The following PTPN14 variants were observed in gnomAD, a reference collection of about 807,000 sequenced individuals.
PTPN14 encodes protein tyrosine phosphatase non-receptor type 14.
A neutral mutation model predicts 126.8 loss-of-function variants in PTPN14; 53 were observed. That is an observed-to-expected ratio of 0.42 (90% CI 0.34 to 0.53). PTPN14 has a LOEUF of 0.53. PTPN14 is among the 20% of genes least tolerant of loss of function. PTPN14 has a pLI of 0.08. For missense variants in PTPN14, 1,257 were observed against 1,552.9 expected, an observed-to-expected ratio of 0.81 and a Z score of 3.20; for synonymous variants, 630 against 599.3, an observed-to-expected ratio of 1.05 and a Z score of -0.75.
chr1:214,517,107 C>A (rs763795327), intron 1 of PTPN14, among the ~76,000 whole-genome samples: 7 of 152,162 alleles, frequency 4.6e-5, no homozygotes, highest in Non-Finnish European at 8.8e-5. Context: ...CAAATGTAAT[C>A]GGTCCTACCT....
At chr1:214,468,397 A>G (rs1182553502) in intron 1 of PTPN14, among the ~76,000 whole-genome samples, 1 of 152,148 alleles carries the variant, frequency 6.6e-6, no homozygotes. Context: ...CTCTACCAAA[A>G]ATACAAAAAT....
At chr1:214,393,859 C>A in intron 9 of PTPN14, 82 bp from the exon 10 acceptor site, 1 of 1,113,606 alleles carries the variant, frequency 9.0e-7, no homozygotes, top group Admixed American at 1.8e-5. Flanking sequence ...TGAGGAGGGA[C>A]ACACATCCCT....
chr1:214,364,766 A>AGTGTGTGTGTTTGTGTGT lies in PTPN14; in HGVS notation c.3272-92_3272-91insACACACAAACACACACAC. 1 of 590,314 alleles carries AGTGTGTGTGTTTGTGTGT rather than the reference A, an allele frequency of 1.7e-6. No homozygotes were observed. The highest frequency in any genetic ancestry group is 2.3e-5 in the South Asian group (1 of 42,722). 36.6% of individuals were successfully genotyped at this position (590,314 alleles called of 1,614,324 possible). A position where few individuals can be genotyped will look rare whatever the true frequency, so the allele number is the denominator to read the frequency against. Reference sequence around the variant, plus strand: ...GGGGAGCGGAAGAGAACTGATGGTGAGTGTGTGTGTGTGTGTGTGTGTGTG... The same window carrying AGTGTGTGTGTTTGTGTGT: ...GGGGAGCGGAAGAGAACTGATGGTGAGTGTGTGTGTTTGTGTGTGTGTGTGTGTGTGTGTGTGTGTGTG... On this transcript the variant is annotated intron_variant, in intron 17 of 18. Coordinates refer to ENST00000366956, the MANE Select transcript of PTPN14 (RefSeq NM_005401.5). The surrounding 1 kb of genome is among the most constrained non-coding windows in gnomAD (Gnocchi z 4.1).
intron 1 of PTPN14, among the ~76,000 whole-genome samples, chr1:214,524,175 A>G (rs1437282235): frequency 1.3e-5 from 2 of 152,066 alleles, no homozygotes; most frequent in Non-Finnish European, 2.9e-5. Flanking sequence ...TATGCTACAT[A>G]AGAGGCAAGA....
intron 10 of PTPN14, 58 bp downstream of exon 10, chr1:214,393,637 G>T: frequency 1.5e-6 from 2 of 1,328,090 alleles, no homozygotes; most frequent in African/African-American, 1.5e-5. Context: ...CACCCCAAAA[G>T]GACATTAATT....
At position 214,406,700 on chromosome 1, in the gene PTPN14, C is replaced by G. The variant is rs1401588337; in HGVS notation, c.511-3747G>C. ...TATGCTGTTTACATATCTGATTTGC[C>G]TAGAGTTTAGTGGAAACACAGTCTC... On this transcript the variant is annotated intron_variant, in intron 5 of 18. Coordinates refer to ENST00000366956, the MANE Select transcript of PTPN14 (RefSeq NM_005401.5). 3.9e-5 allele frequency among the ~76,000 whole-genome samples: 6 copies of G among 152,166 alleles called. No individual in the cohort carries two copies. In the East Asian group the frequency reaches 5.8e-4, roughly 15 times the overall value.
At chr1:214,545,490 AC>A (rs1411434602) in intron 1 of PTPN14, among the ~76,000 whole-genome samples, 6 of 152,170 alleles carry the variant, frequency 3.9e-5, no homozygotes, top group African/African-American at 1.4e-4. Context: ...TAAAGGTCCC[AC>A]CTTTTAACAC....
At chr1:214,529,968 A>C (rs1655498486) in intron 1 of PTPN14, 1 of 152,250 alleles carries the variant, frequency 6.6e-6, no homozygotes, top group Non-Finnish European at 1.5e-5. Flanking sequence ...TATTCCTTGC[A>C]TTGAACATTC....
intron 1 of PTPN14, among the ~76,000 whole-genome samples, chr1:214,514,312 C>T (rs910679021): frequency 6.6e-6 from 1 of 152,048 alleles, no homozygotes. Flanking sequence ...ATCATGAAGC[C>T]ACGACTATGA....
chr1:214,496,326 A>G (rs1654507998), intron 1 of PTPN14, among the ~76,000 whole-genome samples: 1 of 152,164 alleles, frequency 6.6e-6, no homozygotes, highest in African/African-American at 2.4e-5. Flanking sequence ...CTGTAACAGG[A>G]TACGGCTTAG....
At chr1:214,487,626 T>C (rs1429046150) in intron 1 of PTPN14, among the ~76,000 whole-genome samples, 1 of 48,268 alleles carries the variant, frequency 2.1e-5, no homozygotes, top group Non-Finnish European at 4.0e-5. Context: ...AGAGCAAGAC[T>C]CCGTCTCAAA....
At chr1:214,500,555 C>T (rs141585514) in intron 1 of PTPN14, among the ~76,000 whole-genome samples, 1 of 152,238 alleles carries the variant, frequency 6.6e-6, no homozygotes, top group South Asian at 2.1e-4. Flanking sequence ...CTTGAGGCAT[C>T]GGCTCACTGA....
intron 1 of PTPN14, among the ~76,000 whole-genome samples, chr1:214,502,234 A>G (rs1654724474): frequency 6.6e-6 from 1 of 151,944 alleles, no homozygotes; most frequent in Admixed American, 6.6e-5. Flanking sequence ...AGAGGGCTGG[A>G]CCCCCTATTC....
rs560503813 is a variant in PTPN14, at chr1:214,503,197, GTATT to G, written c.-154-38244_-154-38241del. Among the ~76,000 whole-genome samples the G allele has an allele frequency of 1.8e-4, 28 of 152,264 alleles. No homozygotes were observed. In the East Asian group the frequency reaches 5.4e-3, roughly 29 times the overall value. The stretch of plus-strand genomic sequence containing the variant: ...ATAATAAAATGGCAAACACTATACA[GTATT>G]TATTATGAAAGGCACTATTCTAAGT... On this transcript the variant is annotated intron_variant, in intron 1 of 18. Coordinates refer to ENST00000366956, the MANE Select transcript of PTPN14 (RefSeq NM_005401.5).
intron 3 of PTPN14, among the ~76,000 whole-genome samples, chr1:214,419,302 T>C (rs2102591155): frequency 6.6e-6 from 1 of 152,288 alleles, no homozygotes; most frequent in Non-Finnish European, 1.5e-5. Flanking sequence ...TGGTCTGCTC[T>C]TCCCTCCTCT....
intron 1 of PTPN14, chr1:214,532,158 C>T (rs1021491397): frequency 5.3e-5 from 16 of 302,148 alleles, no homozygotes; most frequent in Non-Finnish European, 3.9e-5. Context: ...GTTGGCAAAG[C>T]CTGGGTCCTG....
chr1:214,437,617 C>T (rs1456424275), intron 3 of PTPN14, among the ~76,000 whole-genome samples: 1 of 152,140 alleles, frequency 6.6e-6, no homozygotes, highest in Non-Finnish European at 1.5e-5. Flanking sequence ...TCAAACTGTA[C>T]AAAATTGCTA....
chr1:214,522,495 C>T (rs1655284740), intron 1 of PTPN14, among the ~76,000 whole-genome samples: 1 of 152,192 alleles, frequency 6.6e-6, no homozygotes, highest in Non-Finnish European at 1.5e-5. Flanking sequence ...AAGCAGGATA[C>T]AAACATCCAA....
intron 1 of PTPN14, among the ~76,000 whole-genome samples, chr1:214,538,846 T>G (rs954846149): frequency 6.6e-6 from 1 of 152,198 alleles, no homozygotes; most frequent in Non-Finnish European, 1.5e-5. Flanking sequence ...ATAAGCCAAA[T>G]GGATATATCT....
Sources: allele counts gnomAD v4.1 joint callset (sites outside exome capture counted in the v4.1 genomes callset), GRCh38; gene constraint gnomAD v4.1.1; non-coding constraint Gnocchi (gnomAD v3.1); transcripts MANE v1.5; gene names NCBI Gene and HGNC (gene_info 2026-07-23, HGNC 2026-07-21).